ZNF385D: variants seen among roughly 807,000 people sequenced by gnomAD.
ZNF385D encodes zinc finger protein 659.
Under a neutral mutation model 35.8 loss-of-function variants are expected in ZNF385D, and 15 were observed. That is an observed-to-expected ratio of 0.42 (90% CI 0.28 to 0.64). ZNF385D has a LOEUF of 0.64. Ranked by LOEUF, ZNF385D falls within the 30% of genes least tolerant of loss-of-function variation. The pLI, the probability that ZNF385D is intolerant of heterozygous loss-of-function variation, is 0.23. For missense variants in ZNF385D, 474 were observed against 494.6 expected (o/e 0.96, Z 0.39); for synonymous variants, 212 against 186.8 (o/e 1.13, Z -1.10).
At chr3:22,301,442 A>T (rs192004113) in intron 2 of ZNF385D, among the ~76,000 whole-genome samples, 1 of 151,854 alleles carries the variant, frequency 6.6e-6, no homozygotes, top group Admixed American at 6.6e-5. Flanking sequence ...TCTCACCACA[A>T]AGGAATAAGT....
At chr3:22,124,050 T>G (rs1470969015) in intron 3 of ZNF385D, among the ~76,000 whole-genome samples, 1 of 150,994 alleles carries the variant, frequency 6.6e-6, no homozygotes, top group Non-Finnish European at 1.5e-5. Context: ...TCTATCTAAC[T>G]ATTTTTGTGT....
At chr3:21,881,427 C>A (rs1698270547) in intron 3 of ZNF385D, among the ~76,000 whole-genome samples, 1 of 151,954 alleles carries the variant, frequency 6.6e-6, no homozygotes, top group South Asian at 2.1e-4. Context: ...TGGATGACAG[C>A]ACATCTGTTT....
intron 3 of ZNF385D, among the ~76,000 whole-genome samples, chr3:22,131,014 A>G (rs1278565762): frequency 1.3e-5 from 2 of 152,218 alleles, no homozygotes; most frequent in Non-Finnish European, 2.9e-5. Flanking sequence ...AGAATCATGC[A>G]TGCTTAGAGA....
In ZNF385D at chr3:22,367,042, T is replaced by G. The variant is rs368902956; in HGVS notation, c.106+5408A>C. On this transcript the variant is annotated intron_variant, in intron 2 of 5. Coordinates refer to the ZNF385D transcript ENST00000494108. The stretch of plus-strand genomic sequence containing the variant: ...TAATTTCAAACATCTGGCTCTAGAA[T>G]TTTGAAAGAATATATTCTTATTGTT... Among the ~76,000 whole-genome samples the G allele has an allele frequency of 1.9e-3, 286 of 152,304 alleles. 6 individuals carry two copies. In the South Asian group the frequency reaches 0.033, roughly 17 times the overall value.
At chr3:21,476,551 G>T (rs1704262894) in intron 4 of ZNF385D, among the ~76,000 whole-genome samples, 1 of 151,456 alleles carries the variant, frequency 6.6e-6, no homozygotes, top group Non-Finnish European at 1.5e-5. Flanking sequence ...TATGCTCAGG[G>T]TGGGGTATGT....
chr3:21,791,886 C>T (rs2071944798), intron 3 of ZNF385D, among the ~76,000 whole-genome samples: 1 of 152,108 alleles, frequency 6.6e-6, no homozygotes, highest in South Asian at 2.1e-4. Flanking sequence ...AGGCACGTGC[C>T]ACCACGCCCA....
At chr3:21,755,364 C>A (rs2070293786), upstream of ZNF385D, among the ~76,000 whole-genome samples, 1 of 152,172 alleles carries the variant, frequency 6.6e-6, no homozygotes, top group African/African-American at 2.4e-5. Flanking sequence ...CCACCAAGGT[C>A]GTTAAGGTTT....
At chr3:22,128,643 T>C (rs76134378) in intron 3 of ZNF385D, among the ~76,000 whole-genome samples, 2,760 of 152,272 alleles carry the variant, frequency 0.018, 97 homozygotes, top group African/African-American at 0.062. Flanking sequence ...GTTTGATAAA[T>C]TATGCTGTTG....
intron 2 of ZNF385D, among the ~76,000 whole-genome samples, chr3:22,274,671 A>G (rs541316718): frequency 1.3e-5 from 2 of 151,054 alleles, no homozygotes; most frequent in Non-Finnish European, 2.9e-5. Flanking sequence ...TAAATTTTTT[A>G]AAAAAAAGAA....
At chr3:21,871,691 C>G (rs1697697973) in intron 3 of ZNF385D, among the ~76,000 whole-genome samples, 3 of 152,010 alleles carry the variant, frequency 2.0e-5, no homozygotes, top group Non-Finnish European at 4.4e-5. Context: ...TTTAAGAAAA[C>G]TGAACTTAGG....
At chr3:21,944,182 T>C (rs111567741) in intron 3 of ZNF385D, among the ~76,000 whole-genome samples, 159 of 152,350 alleles carry the variant, frequency 1.0e-3, no homozygotes, top group African/African-American at 3.6e-3. Flanking sequence ...CCCAGCAGCA[T>C]TGCACTTTCT....
chr3:21,657,827 G>A (rs1158849405), intron 2 of ZNF385D, among the ~76,000 whole-genome samples: 1 of 151,908 alleles, frequency 6.6e-6, no homozygotes, highest in Admixed American at 6.6e-5. Flanking sequence ...CAAAACAAAT[G>A]GAAGTGTGCC....
intron 1 of ZNF385D, among the ~76,000 whole-genome samples, chr3:21,694,764 C>G (rs1331289813): frequency 6.6e-6 from 1 of 152,140 alleles, no homozygotes; most frequent in Non-Finnish European, 1.5e-5. Context: ...AATTAAGCAA[C>G]CTCATGACTC....
intron 3 of ZNF385D, among the ~76,000 whole-genome samples, chr3:21,907,295 C>T (rs1381326967): frequency 6.6e-6 from 1 of 152,056 alleles, no homozygotes; most frequent in Non-Finnish European, 1.5e-5. Context: ...CAAACATTGC[C>T]AACATTGTGG....
chr3:22,083,206 T>C (rs1027731326), intron 3 of ZNF385D, among the ~76,000 whole-genome samples: 15 of 152,162 alleles, frequency 9.9e-5, no homozygotes, highest in Admixed American at 9.2e-4. Context: ...TCGCCAGCAA[T>C]GGAACAAAGC....
chr3:21,572,817 C>G (rs575995486), intron 2 of ZNF385D, among the ~76,000 whole-genome samples: 1 of 152,094 alleles, frequency 6.6e-6, no homozygotes, highest in Non-Finnish European at 1.5e-5. Context: ...AATTCAACTA[C>G]ATAAAGCTTT....
intron 3 of ZNF385D, among the ~76,000 whole-genome samples, chr3:21,945,109 T>C (rs1246441807): frequency 6.6e-6 from 1 of 151,962 alleles, no homozygotes; most frequent in Non-Finnish European, 1.5e-5. Context: ...TGTGTGTGTG[T>C]GCATGTATAT....
chr3:22,304,190 G>C (rs1179415979), intron 2 of ZNF385D, among the ~76,000 whole-genome samples: 1 of 152,060 alleles, frequency 6.6e-6, no homozygotes, highest in Admixed American at 6.6e-5. Context: ...GTTTCTTCTT[G>C]TTTTCTCTAA....
intron 3 of ZNF385D, among the ~76,000 whole-genome samples, chr3:22,047,227 A>G (rs13077707): frequency 0.11 from 16,540 of 152,088 alleles, 1,195 homozygotes; most frequent in South Asian, 0.27. Flanking sequence ...ATCATGCATC[A>G]GCTCACATAC....
Sources: allele counts gnomAD v4.1 joint callset (sites outside exome capture counted in the v4.1 genomes callset), GRCh38; gene constraint gnomAD v4.1.1; transcripts MANE v1.5; gene names NCBI Gene and HGNC (gene_info 2026-07-23, HGNC 2026-07-21).